PDS5B: variants seen among roughly 807,000 people sequenced by gnomAD.
The protein encoded by PDS5B is PDS5 cohesin associated factor B.
A neutral mutation model predicts 184.1 loss-of-function variants in PDS5B; 51 were observed. That is an observed-to-expected ratio of 0.28 (90% CI 0.22 to 0.35). The LOEUF is 0.35. Among genes scored for constraint, PDS5B ranks in the 10% least tolerant of loss-of-function variants. The pLI, the probability that PDS5B is intolerant of heterozygous loss-of-function variation, is 1.00. For synonymous variants in PDS5B, 566 were observed against 569.2 expected (o/e 0.99, Z 0.08); for missense variants, 1,180 against 1,723.3 (o/e 0.68, Z 5.58).
At position 32,775,105 on chromosome 13, in the gene PDS5B, T is replaced by TTTTC; in HGVS notation, c.*56_*57insCTTT. The TTTTC allele has an allele frequency of 6.6e-7, 1 of 1,522,334 alleles. No individual in the cohort carries two copies. Among genetic ancestry groups the TTTTC allele is most frequent in the Non-Finnish European group, 9.0e-7 (1 of 1,112,706 alleles). 94.3% of individuals were successfully genotyped at this position (1,522,334 alleles called of 1,614,324 possible). ...GAAAGCTTTGGAAAAATCTTTTTTT[T>TTTTC]TTTTTTTGGTCAAGCTTGAGGCTGA... is the stretch of plus-strand genomic sequence containing the variant. On this transcript the variant is annotated 3_prime_UTR_variant, in exon 35 of 35. Coordinates refer to ENST00000315596, the MANE Select transcript of PDS5B (RefSeq NM_015032.4).
At chr13:32,587,184 T>G (rs1555284251) in intron 1 of PDS5B, among the ~76,000 whole-genome samples, 1 of 145,508 alleles carries the variant, frequency 6.9e-6, no homozygotes, top group Non-Finnish European at 1.5e-5. Context: ...CGCCGCCGGG[T>G]CCCCGCGCGC....
intron 21 of PDS5B, among the ~76,000 whole-genome samples, chr13:32,736,637 A>G (rs1393522799): frequency 6.6e-6 from 1 of 152,090 alleles, no homozygotes; most frequent in Non-Finnish European, 1.5e-5. Context: ...TCTTGTATAT[A>G]TAGCTTAAAG....
At chr13:32,710,236 C>G in intron 19 of PDS5B, 130 bp downstream of exon 19, 1 of 558,460 alleles carries the variant, frequency 1.8e-6, no homozygotes, top group Non-Finnish European at 2.9e-6. Context: ...CTGTAATGTT[C>G]AGTTTAGATT....
At chr13:32,625,727 A>AT (rs1164877625) in intron 1 of PDS5B, among the ~76,000 whole-genome samples, 16 of 150,450 alleles carry the variant, frequency 1.1e-4, no homozygotes, top group Admixed American at 4.7e-4. Flanking sequence ...TTAATGAGAC[A>AT]TTTTTTTTTC....
At chr13:32,679,909 G>GTGTGTGTC (rs1555301531) in intron 10 of PDS5B, among the ~76,000 whole-genome samples, 7,112 of 149,308 alleles carry the variant, frequency 0.048, 338 homozygotes, top group African/African-American at 0.12. Context: ...GTGTGTGTGT[G>GTGTGTGTC]TGTGTGTCTG....
intron 19 of PDS5B, among the ~76,000 whole-genome samples, chr13:32,722,982 A>T (rs910078936): frequency 1.3e-5 from 2 of 152,238 alleles, no homozygotes; most frequent in African/African-American, 4.8e-5. Context: ...TTATGAAAGG[A>T]TAGGTTTAAA....
intron 13 of PDS5B, among the ~76,000 whole-genome samples, chr13:32,693,180 T>C (rs1951603294): frequency 6.6e-6 from 1 of 152,194 alleles, no homozygotes; most frequent in African/African-American, 2.4e-5. Context: ...AACATTTTGC[T>C]TTCAATGTTT....
chr13:32,632,989 T>C (rs2058481778), intron 1 of PDS5B, among the ~76,000 whole-genome samples: 2 of 152,186 alleles, frequency 1.3e-5, no homozygotes, highest in Admixed American at 1.3e-4. Context: ...TGGTCCCAGC[T>C]ACTCAAAAGA....
rs749100665 is a variant in PDS5B at position 32,742,657 on chromosome 13, A to T, written c.2542A>T (p.Thr848Ser). The part of the protein sequence containing the change: ...GMKNNHSKSG[T>S]STLRLLTTIL... ...GAAAAATAATCACAGTAAATCAGGA[A>T]CTTCTACCTTAAGATTGCTAACAAC... The change falls in exon 23 of 35, where the codon ACT becomes TCT. Residue 848 changes from threonine (T) to serine (S), a missense_variant. This residue lies in a region of PDS5B where 475 missense variants were observed against 691.5 expected (regional missense o/e 0.69). Coordinates refer to ENST00000315596, the MANE Select transcript of PDS5B (RefSeq NM_015032.4). The T allele has an allele frequency of 1.3e-5, 21 of 1,611,200 alleles. No homozygotes were observed. Among genetic ancestry groups the T allele is most frequent in the Non-Finnish European group, 1.0e-5 (12 of 1,177,764 alleles).
intron 1 of PDS5B, among the ~76,000 whole-genome samples, chr13:32,617,791 G>A (rs2058240934): frequency 6.6e-6 from 1 of 152,204 alleles, no homozygotes; most frequent in Non-Finnish European, 1.5e-5. Context: ...TTCTTTTGCA[G>A]TGTGCTGCTA....
intron 1 of PDS5B, among the ~76,000 whole-genome samples, chr13:32,645,622 C>T (rs2031259133): frequency 6.6e-6 from 1 of 151,980 alleles, no homozygotes; most frequent in South Asian, 2.1e-4. Context: ...TTTGTTGATC[C>T]TACGCTTGTT....
At position 32,758,069 on chromosome 13, in the gene PDS5B, C is replaced by CTTTTTTTTTTTTTTTT; in HGVS notation, c.3057-18_3057-17insTTTTTTTTTTTTTTTT. 9.9e-7 allele frequency: 1 copy of CTTTTTTTTTTTTTTTT among 1,010,632 alleles called. No homozygotes were observed. Among genetic ancestry groups the CTTTTTTTTTTTTTTTT allele is most frequent in the African/African-American group, 1.9e-5 (1 of 53,180 alleles). The allele number at this position is 1,010,632 out of a possible 1,614,324, so 62.6% of individuals were successfully genotyped here. A position where few individuals can be genotyped will look rare whatever the true frequency, so the allele number is the denominator to read the frequency against. ...TGATTTTCTTCTATATTTCTTTTTT[C>CTTTTTTTTTTTTTTTT]CTTTTTTTTTTTTTTAGATGTCTTT... On this transcript the variant is annotated splice_polypyrimidine_tract_variant and intron_variant, in intron 26 of 34. Coordinates refer to ENST00000315596, the MANE Select transcript of PDS5B (RefSeq NM_015032.4).
chr13:32,669,845 T>G (rs1226076785), intron 7 of PDS5B, among the ~76,000 whole-genome samples: 1 of 152,206 alleles, frequency 6.6e-6, no homozygotes, highest in Non-Finnish European at 1.5e-5. Context: ...TAAGAATTGC[T>G]TTTTCCCTCC....
intron 19 of PDS5B, among the ~76,000 whole-genome samples, chr13:32,711,596 G>C (rs1187456749): frequency 6.7e-6 from 1 of 149,488 alleles, no homozygotes; most frequent in Non-Finnish European, 1.5e-5. Context: ...GGCCTCAAGT[G>C]ATCTGCCCGC....
At chr13:32,738,617 A>G (rs1469300311) in intron 21 of PDS5B, among the ~76,000 whole-genome samples, 1 of 152,048 alleles carries the variant, frequency 6.6e-6, no homozygotes, top group Non-Finnish European at 1.5e-5. Context: ...AACCTCATTT[A>G]TGTGTGTCTT....
intron 11 of PDS5B, among the ~76,000 whole-genome samples, chr13:32,685,331 T>G (rs904902691): frequency 1.3e-5 from 2 of 152,226 alleles, no homozygotes; most frequent in African/African-American, 4.8e-5. Flanking sequence ...CCAAAAGGCA[T>G]GAAGAGGGAA....
At chr13:32,692,688 A>G (rs1951589542) in intron 13 of PDS5B, among the ~76,000 whole-genome samples, 1 of 152,020 alleles carries the variant, frequency 6.6e-6, no homozygotes, top group African/African-American at 2.4e-5. Context: ...TAGCAACAGA[A>G]CTGCAATTCA....
intron 6 of PDS5B, among the ~76,000 whole-genome samples, chr13:32,663,628 T>C (rs879821971): frequency 4.6e-5 from 7 of 152,330 alleles, no homozygotes; most frequent in Non-Finnish European, 1.0e-4. Flanking sequence ...TGTTGAAGCA[T>C]TCTCTTTGAT....
chr13:32,626,942 T>G (rs552906416), intron 1 of PDS5B, among the ~76,000 whole-genome samples: 185 of 152,322 alleles, frequency 1.2e-3, no homozygotes, highest in Non-Finnish European at 2.2e-3. Flanking sequence ...ATATGCAAAG[T>G]TCTTAAGTCT....
Sources: allele counts gnomAD v4.1 joint callset (sites outside exome capture counted in the v4.1 genomes callset), GRCh38; gene constraint gnomAD v4.1.1; regional missense constraint gnomAD v4.1.1; transcripts MANE v1.5; gene names NCBI Gene and HGNC (gene_info 2026-07-23, HGNC 2026-07-21).